Variants in CDKAL1 observed in about 807,000 individuals in gnomAD.
CDKAL1 encodes the protein threonylcarbamoyladenosine tRNA methylthiotransferase.
Under a neutral mutation model 68.2 loss-of-function variants are expected in CDKAL1, and 32 were observed. The observed-to-expected ratio is 0.47, with a 90% CI of 0.35 to 0.63. CDKAL1 has a LOEUF of 0.63. Ranked by LOEUF, CDKAL1 falls within the 30% of genes least tolerant of loss-of-function variation. CDKAL1 has a pLI of 0.00. For synonymous variants in CDKAL1, 234 were observed against 244.3 expected, an observed-to-expected ratio of 0.96 and a Z score of 0.39; for missense variants, 606 against 696.7, an observed-to-expected ratio of 0.87 and a Z score of 1.47.
chr6:20,938,315 A>G (rs1440346436), intron 9 of CDKAL1, among the ~76,000 whole-genome samples: 1 of 152,130 alleles, frequency 6.6e-6, no homozygotes, highest in African/African-American at 2.4e-5. Context: ...TACTTTCTGT[A>G]ACTCAAATCC....
At chr6:21,152,268 C>T (rs1394466357) in intron 13 of CDKAL1, among the ~76,000 whole-genome samples, 1 of 152,200 alleles carries the variant, frequency 6.6e-6, no homozygotes, top group African/African-American at 2.4e-5. Flanking sequence ...CCCCAGTAGT[C>T]TCTGTCTTCC....
At chr6:21,227,242 A>G (rs1779785782) in intron 15 of CDKAL1, among the ~76,000 whole-genome samples, 1 of 152,106 alleles carries the variant, frequency 6.6e-6, no homozygotes, top group Admixed American at 6.6e-5. Flanking sequence ...ATTATTTTCT[A>G]TTCATGATCC....
In CDKAL1 at chr6:20,538,041, A is replaced by G. The variant is rs151161458; in HGVS notation, c.-6+2647A>G. On this transcript the variant is annotated intron_variant, in intron 2 of 15. Transcript: ENST00000274695. ...TATCTTTTTTGAGTGAATATCTCCAAATGAAATTGCTGGCTCGAAGGATAT... is the reference window on the plus strand; with the variant it reads ...TATCTTTTTTGAGTGAATATCTCCAGATGAAATTGCTGGCTCGAAGGATAT... 5.7e-3 allele frequency among the ~76,000 whole-genome samples: 872 copies of G among 152,314 alleles called. 6 individuals carry two copies. The highest frequency in any genetic ancestry group is 0.01 in the Non-Finnish European group (709 of 68,026).
chr6:21,206,048 G>C (rs1778921361), intron 15 of CDKAL1, among the ~76,000 whole-genome samples: 1 of 144,574 alleles, frequency 6.9e-6, no homozygotes, highest in Admixed American at 7.0e-5. Flanking sequence ...TTTCACCATG[G>C]TCTCTATCTC....
At chr6:20,950,009 T>C (rs1764444940) in intron 9 of CDKAL1, among the ~76,000 whole-genome samples, 1 of 151,974 alleles carries the variant, frequency 6.6e-6, no homozygotes, top group Non-Finnish European at 1.5e-5. Context: ...AGGCTGGTCT[T>C]GAACTCCTGA....
rs368863003 is a variant in CDKAL1, at chr6:21,231,032, A to G, written c.1733A>G (p.Tyr578Cys). The G allele has an allele frequency of 4.3e-4, 679 of 1,597,274 alleles. 7 individuals carry two copies. In the South Asian group the frequency reaches 7.0e-3, roughly 17 times the overall value. ...GLLFAFFVKV[Y>C]N ...CTTTTTGCTTTTTTTGTCAAGGTCT[A>G]TAATTAGAATACAACTAATGGAAAC... is the stretch of plus-strand genomic sequence containing the variant. Residue 578 changes from tyrosine (Y) to cysteine (C), a missense_variant, in exon 16 of 16, where the codon TAT (tyrosine) becomes TGT (cysteine). Transcript: ENST00000274695.
intron 10 of CDKAL1, among the ~76,000 whole-genome samples, chr6:20,968,844 G>C (rs972373772): frequency 3.3e-5 from 5 of 151,804 alleles, no homozygotes; most frequent in African/African-American, 1.2e-4. Flanking sequence ...GTTTTCTTTA[G>C]TTTTTTGATC....
intron 15 of CDKAL1, among the ~76,000 whole-genome samples, chr6:21,207,207 C>G (rs1778974302): frequency 6.8e-6 from 1 of 146,374 alleles, no homozygotes; most frequent in Non-Finnish European, 1.5e-5. Flanking sequence ...GGCACCACAC[C>G]CGGCCTACTT....
intron 4 of CDKAL1, among the ~76,000 whole-genome samples, chr6:20,591,721 G>A (rs1467237624): frequency 3.3e-5 from 5 of 152,084 alleles, no homozygotes; most frequent in African/African-American, 4.8e-5. Flanking sequence ...ATTCTGTTCC[G>A]TTGGTCTATA....
chr6:20,819,392 C>T (rs1289814328), intron 8 of CDKAL1, among the ~76,000 whole-genome samples: 2 of 152,090 alleles, frequency 1.3e-5, no homozygotes, highest in Admixed American at 6.6e-5. Context: ...AAAGATTCTT[C>T]TAACTCCAGG....
chr6:21,141,510 G>T (rs1476835259), intron 13 of CDKAL1, among the ~76,000 whole-genome samples: 1 of 152,202 alleles, frequency 6.6e-6, no homozygotes, highest in Non-Finnish European at 1.5e-5. Flanking sequence ...TTCACTCAGT[G>T]CCTGACACAT....
intron 7 of CDKAL1, among the ~76,000 whole-genome samples, chr6:20,766,134 C>T (rs1329470572): frequency 6.6e-6 from 1 of 152,066 alleles, no homozygotes; most frequent in Non-Finnish European, 1.5e-5. Flanking sequence ...GCTTTTTGTT[C>T]ATCTTAAATT....
chr6:21,213,322 TG>T (rs1403055328), intron 15 of CDKAL1, among the ~76,000 whole-genome samples: 1 of 151,930 alleles, frequency 6.6e-6, no homozygotes, highest in Non-Finnish European at 1.5e-5. Context: ...TGATGTGGAG[TG>T]GGGGGCATGG....
In CDKAL1 at chr6:20,988,182, ATGTGTG is replaced by A. The variant is rs58720900; in HGVS notation, c.910-12013_910-12008del. On this transcript the variant is annotated intron_variant, in intron 10 of 15. Coordinates refer to ENST00000274695, the MANE Select transcript of CDKAL1 (RefSeq NM_017774.3). The stretch of plus-strand genomic sequence containing the variant: ...TCAAAGTCCTTCAAAGAAACATAAT[ATGTGTG>A]TGTGTGTGTGTGTGTGTGTGTGTGT... 7.5e-3 allele frequency among the ~76,000 whole-genome samples: 1,035 copies of A among 137,492 alleles called. 18 individuals are homozygous for A. The highest frequency in any genetic ancestry group is 0.025 in the African/African-American group (926 of 37,424). The allele number at this position is 137,492 out of a possible 152,430, so 90.2% of individuals were successfully genotyped here.
intron 4 of CDKAL1, among the ~76,000 whole-genome samples, chr6:20,639,100 G>C (rs1768043268): frequency 1.3e-5 from 2 of 152,022 alleles, no homozygotes; most frequent in Admixed American, 6.6e-5. Context: ...CTTAGCTATG[G>C]GGTAATAGCC....
chr6:20,975,493 C>T (rs1765801104), intron 10 of CDKAL1, among the ~76,000 whole-genome samples: 1 of 152,040 alleles, frequency 6.6e-6, no homozygotes, highest in African/African-American at 2.4e-5. Context: ...CATGTATATG[C>T]TTATTATATA....
intron 4 of CDKAL1, among the ~76,000 whole-genome samples, chr6:20,580,480 A>G (rs1372819862): frequency 6.6e-6 from 1 of 152,082 alleles, no homozygotes; most frequent in Non-Finnish European, 1.5e-5. Context: ...CTGTCGGTGC[A>G]CTATTATGGC....
At chr6:20,911,998 GACAACTTTCCTCTGAGA>G (rs1313033966) in intron 9 of CDKAL1, among the ~76,000 whole-genome samples, 1 of 152,174 alleles carries the variant, frequency 6.6e-6, no homozygotes, top group Non-Finnish European at 1.5e-5. Flanking sequence ...GATGGGATCT[GACAACTTTCCTCTGAGA>G]AGGACCACCC....
chr6:20,584,133 A>G (rs761654845), intron 4 of CDKAL1, among the ~76,000 whole-genome samples: 3 of 151,494 alleles, frequency 2.0e-5, no homozygotes, highest in Non-Finnish European at 4.4e-5. Flanking sequence ...GGCTTAGGAA[A>G]TTGAATTACA....
Sources: gnomAD v4.1 joint callset for allele counts (sites outside exome capture counted in the v4.1 genomes callset) on GRCh38, gnomAD v4.1.1 for gene constraint, MANE v1.5 for transcripts, NCBI Gene and HGNC (gene_info 2026-07-23, HGNC 2026-07-21) for gene names.